FAM83G: variants seen among roughly 807,000 people sequenced by gnomAD.
The protein encoded by FAM83G is scaffolding CK1 anchoring protein G.
Under a neutral mutation model 61.5 loss-of-function variants are expected in FAM83G, and 38 were observed. The observed-to-expected ratio is 0.62, with a 90% CI of 0.48 to 0.81. The LOEUF is 0.81. Among genes scored for constraint, FAM83G ranks in the 30% least tolerant of loss-of-function variants. FAM83G has a pLI of 0.00. For missense variants in FAM83G, 989 were observed against 1,133.6 expected (o/e 0.87, Z 1.83); for synonymous variants, 470 against 476.1 (o/e 0.99, Z 0.17).
intron 4 of FAM83G, 84 bp downstream of exon 4, chr17:18,979,464 AT>A: frequency 6.6e-7 from 1 of 1,523,196 alleles, no homozygotes; most frequent in African/African-American, 1.4e-5. Flanking sequence ...ATGAACCGGA[AT>A]AACCAGGGTT....
intron 3 of FAM83G, among the ~76,000 whole-genome samples, chr17:18,985,883 T>C (rs1903247817): frequency 6.6e-6 from 1 of 152,236 alleles, no homozygotes; most frequent in South Asian, 2.1e-4. Flanking sequence ...GCAGGCCTCA[T>C]ACCCAAGCCC....
At chr17:18,984,005 C>T (rs1597861241) in intron 3 of FAM83G, among the ~76,000 whole-genome samples, 1 of 152,300 alleles carries the variant, frequency 6.6e-6, no homozygotes, top group East Asian at 1.9e-4. Flanking sequence ...GGACAGTTAA[C>T]AATGCCAAAT....
Position 18,988,409 on chromosome 17 carries a change from T to C in FAM83G, c.528A>G (p.Ile176Met), listed in dbSNP as rs373075125. ...CGGTGAACATGTCCATGACCACAGCTATCACCTGGGAGCAAGAAGAGAGAC... is the reference window on the plus strand; with the variant it reads ...CGGTGAACATGTCCATGACCACAGCCATCACCTGGGAGCAAGAAGAGAGAC... The part of the protein sequence containing the change: ...RKMISQAQKV[I>M]AVVMDMFTDV... Residue 176 changes from isoleucine (I) to methionine (M), a missense_variant, in exon 3 of 6, where the codon ATA becomes ATG. Physicochemically the swap from Ile to Met is conservative, Grantham distance 10 (BLOSUM62 1). Around this residue, in one of 3 missense-constraint regions of FAM83G, gnomAD observed 371 missense variants for 404.5 expected, o/e 0.92. Transcript: ENST00000388995. The C allele has an allele frequency of 2.0e-5, 32 of 1,613,828 alleles. No individual in the cohort carries two copies. Among genetic ancestry groups the C allele is most frequent in the Non-Finnish European group, 2.5e-5 (30 of 1,179,876 alleles).
Position 18,970,762 on chromosome 17 carries a change from G to A in FAM83G, c.*597C>T. Reference sequence around the variant, plus strand: ...CTCCTGCTGGGCCAGCGGGACACTGGGGTGCCCATGTGCAAAATGCTTACT... The same window carrying A: ...CTCCTGCTGGGCCAGCGGGACACTGAGGTGCCCATGTGCAAAATGCTTACT... On this transcript the variant is annotated 3_prime_UTR_variant, in exon 6 of 6. Coordinates refer to ENST00000388995, the MANE Select transcript of FAM83G (RefSeq NM_001039999.3). The A allele has an allele frequency of 2.0e-6, 1 of 510,744 alleles. No individual in the cohort carries two copies. Among genetic ancestry groups the A allele is most frequent in the Non-Finnish European group, 3.5e-6 (1 of 282,294 alleles). The allele number at this position is 510,744 out of a possible 1,614,324, so 31.6% of individuals were successfully genotyped here.
At chr17:18,982,252 C>A (rs2043157112) in intron 3 of FAM83G, among the ~76,000 whole-genome samples, 1 of 152,158 alleles carries the variant, frequency 6.6e-6, no homozygotes, top group Admixed American at 6.5e-5. Context: ...GCCTGTTCTA[C>A]CTGGGGCTCA....
chr17:18,976,863 C>T (rs773937697), intron 5 of FAM83G: 8 of 1,613,410 alleles, frequency 5.0e-6, no homozygotes. Flanking sequence ...GGTCATCGTG[C>T]AGCGATCACT....
At chr17:18,997,185 G>A (rs955490139) in intron 2 of FAM83G, among the ~76,000 whole-genome samples, 4 of 152,260 alleles carry the variant, frequency 2.6e-5, no homozygotes, top group African/African-American at 2.4e-5. Context: ...TGCCCAGAGC[G>A]CTCTGACCAG....
chr17:18,978,213 C>T lies in FAM83G; in HGVS notation c.1453G>A (p.Asp485Asn), dbSNP rs961281610. ...CPPPEPSAPQ[D>N]GVPAENGLPQ... ...AGGCCGTTCTCAGCTGGGACACCGT[C>T]CTGGGGGGCACTGGGCTCTGGGGGA... The change falls in exon 5 of 6, where the codon GAC (aspartate) becomes AAC (asparagine). Residue 485 changes from aspartate (D) to asparagine (N), a missense_variant. Physicochemically the swap from Asp to Asn is conservative, Grantham distance 23. This residue lies in a region of FAM83G where 574 missense variants were observed against 645.1 expected (regional missense o/e 0.89). Coordinates refer to ENST00000388995, the MANE Select transcript of FAM83G (RefSeq NM_001039999.3). 7 of 1,574,728 alleles carry T rather than the reference C, an allele frequency of 4.4e-6. No individual in the cohort carries two copies. The Admixed American group carries it at 5.2e-5, about 12-fold the overall frequency.
chr17:18,981,523 G>T (rs1270327651), intron 3 of FAM83G, among the ~76,000 whole-genome samples: 1 of 152,104 alleles, frequency 6.6e-6, no homozygotes. Flanking sequence ...AATGCTATGG[G>T]AGAGGAGGGG....
At chr17:18,973,829 C>CT (rs2042912762) in intron 5 of FAM83G, among the ~76,000 whole-genome samples, 1 of 148,802 alleles carries the variant, frequency 6.7e-6, no homozygotes, top group South Asian at 2.1e-4. Flanking sequence ...ACCCAGGTAG[C>CT]TGGGACTACA....
intron 2 of FAM83G, among the ~76,000 whole-genome samples, chr17:18,994,419 G>A (rs76923085): frequency 0.019 from 2,967 of 152,226 alleles, 104 homozygotes; most frequent in African/African-American, 0.068. Flanking sequence ...TTTGCAGGAC[G>A]GAGTGCCGCA....
In FAM83G at chr17:18,977,912, T is replaced by A. The variant is rs200348726; in HGVS notation, c.1754A>T (p.Asp585Val). The change falls in exon 5 of 6, where the codon GAC becomes GTC. Residue 585 changes from aspartate (D) to valine (V), a missense_variant. By Grantham distance (152) the Asp-to-Val change is radical (BLOSUM62 -3). Transcript: ENST00000388995. ...GLDGVEEEDD[D>V]DYVTLSDQDS... ...CTGGTCACTGAGGGTTACGTAGTCG[T>A]CATCATCTTCTTCTTCCACCCCATC... The A allele has an allele frequency of 1.7e-4, 267 of 1,610,176 alleles. No individual in the cohort carries two copies. In the African/African-American group the frequency reaches 3.1e-3, roughly 19 times the overall value.
In FAM83G at chr17:18,968,929, GGT is replaced by G; in HGVS notation, c.*2428_*2429del. On this transcript the variant is annotated 3_prime_UTR_variant, in exon 6 of 6. Transcript: ENST00000388995. This position sits in a 1 kb window ranked among gnomAD's most constrained non-coding sequence, Gnocchi z 4.1. ...TGATGCAGGCAGGCAGGCGAGTGGG[GGT>G]CTCCCCTCCTTATCCACAGGCCACC... The G allele has an allele frequency of 1.2e-6, 1 of 828,742 alleles. No homozygotes were observed. The highest frequency in any genetic ancestry group is 1.8e-5 in the South Asian group (1 of 55,366). The allele number at this position is 828,742 out of a possible 1,614,324, so 51.3% of individuals were successfully genotyped here. A position where few individuals can be genotyped will look rare whatever the true frequency, so the allele number is the denominator to read the frequency against.
In FAM83G at chr17:18,969,599, G is replaced by T; in HGVS notation, c.*1760C>A. On this transcript the variant is annotated 3_prime_UTR_variant, in exon 6 of 6. Transcript: ENST00000388995. ...AGTCAGCCCCCCTGCTGGCCCCTCA[G>T]GGACTGCCCTGGCTGGTAGAGGCTA... 1.7e-6 allele frequency: 1 copy of T among 591,528 alleles called. No homozygotes were observed. Among genetic ancestry groups the T allele is most frequent in the Non-Finnish European group, 2.9e-6 (1 of 341,016 alleles). The allele number at this position is 591,528 out of a possible 1,614,324, so 36.6% of individuals were successfully genotyped here. A position where few individuals can be genotyped will look rare whatever the true frequency, so the allele number is the denominator to read the frequency against.
At chr17:19,005,030 C>A (rs58094480), upstream of FAM83G, among the ~76,000 whole-genome samples, 2 of 152,212 alleles carry the variant, frequency 1.3e-5, no homozygotes, top group Non-Finnish European at 2.9e-5. Context: ...AGCCTTGGCA[C>A]CCCCCTGTGC....
intron 2 of FAM83G, among the ~76,000 whole-genome samples, chr17:18,991,747 G>C (rs1361382289): frequency 6.6e-6 from 1 of 152,174 alleles, no homozygotes. Context: ...CAGCAGCCTG[G>C]AATCTGCGCA....
intron 3 of FAM83G, among the ~76,000 whole-genome samples, chr17:18,986,962 G>C (rs1250473534): frequency 6.6e-6 from 1 of 152,188 alleles, no homozygotes; most frequent in Non-Finnish European, 1.5e-5. Context: ...GTGGGTGTGG[G>C]GCTTGGGGCC....
At chr17:18,985,398 C>A (rs1257392026) in intron 3 of FAM83G, among the ~76,000 whole-genome samples, 1 of 152,224 alleles carries the variant, frequency 6.6e-6, no homozygotes, top group Non-Finnish European at 1.5e-5. Context: ...GCACCTGACA[C>A]CCCAAGGTCA....
At position 19,004,194 on chromosome 17, in the gene FAM83G, G is replaced by A. The variant is rs948100752; in HGVS notation, c.-128-25C>T. On this transcript the variant is annotated intron_variant, in intron 1 of 5. Transcript: ENST00000388995. This position sits in a 1 kb window ranked among gnomAD's most constrained non-coding sequence, Gnocchi z 5.4. Reference sequence around the variant, plus strand: ...TCTGCGGGAAAGACCTGATGAGCCCGGCTCGGCGGGGAGGGCGGGCCGCGC... The same window carrying A: ...TCTGCGGGAAAGACCTGATGAGCCCAGCTCGGCGGGGAGGGCGGGCCGCGC... 58 of 673,544 alleles carry A rather than the reference G, an allele frequency of 8.6e-5. No individual in the cohort carries two copies. The African/African-American group carries it at 1.1e-3, about 12-fold the overall frequency. The allele number at this position is 673,544 out of a possible 1,614,324, so 41.7% of individuals were successfully genotyped here. A position where few individuals can be genotyped will look rare whatever the true frequency, so the allele number is the denominator to read the frequency against.
Sources: allele counts gnomAD v4.1 joint callset (sites outside exome capture counted in the v4.1 genomes callset), GRCh38; gene constraint gnomAD v4.1.1; regional missense constraint gnomAD v4.1.1; non-coding constraint Gnocchi (gnomAD v3.1); transcripts MANE v1.5; gene names NCBI Gene and HGNC (gene_info 2026-07-23, HGNC 2026-07-21).